RMST: variants seen among roughly 807,000 people sequenced by gnomAD.
RMST encodes the protein rhabdomyosarcoma 2 associated transcript.
intron 11 of RMST, among the ~76,000 whole-genome samples, chr12:97,553,775 C>T (rs778555451): frequency 1.3e-5 from 2 of 151,736 alleles, no homozygotes; most frequent in Non-Finnish European, 2.9e-5. Context: ...GTTTTCTGAC[C>T]AAGTCCAATC....
intron 10 of RMST, among the ~76,000 whole-genome samples, chr12:97,504,348 G>A (rs949134677): frequency 4.0e-5 from 6 of 148,904 alleles, no homozygotes; most frequent in African/African-American, 1.2e-4. Flanking sequence ...AGGTTGCAGA[G>A]TGGAGAGATT....
chr12:97,529,889 A>G (rs1881478426), intron 10 of RMST, among the ~76,000 whole-genome samples: 2 of 152,130 alleles, frequency 1.3e-5, no homozygotes, highest in Non-Finnish European at 2.9e-5. Flanking sequence ...ATGTAATTGT[A>G]TCTTCCCCCA....
chr12:97,525,930 C>G (rs1473824203), intron 10 of RMST, among the ~76,000 whole-genome samples: 5 of 151,970 alleles, frequency 3.3e-5, no homozygotes, highest in Non-Finnish European at 7.4e-5. Context: ...CATAGCAGTG[C>G]GAACCCTGTT....
chr12:97,469,311 T>C (rs891358860), intron 5 of RMST, among the ~76,000 whole-genome samples: 1 of 151,848 alleles, frequency 6.6e-6, no homozygotes, highest in Non-Finnish European at 1.5e-5. Flanking sequence ...AGTTATCTTA[T>C]TGATATGTAT....
intron 5 of RMST, among the ~76,000 whole-genome samples, chr12:97,470,809 G>A (rs1291152160): frequency 6.6e-6 from 1 of 151,838 alleles, no homozygotes; most frequent in East Asian, 1.9e-4. Context: ...ATATATTTCA[G>A]TATCATAAAA....
chr12:97,480,305 T>C (rs1273155447), intron 5 of RMST, among the ~76,000 whole-genome samples: 2 of 152,070 alleles, frequency 1.3e-5, no homozygotes, highest in African/African-American at 4.8e-5. Flanking sequence ...TTAGCTAGGA[T>C]GGTCTCAATC....
intron 10 of RMST, among the ~76,000 whole-genome samples, chr12:97,518,439 T>C (rs1880160257): frequency 6.6e-6 from 1 of 152,220 alleles, no homozygotes; most frequent in African/African-American, 2.4e-5. Context: ...TTTAGTTCAC[T>C]TCTCCCAAAA....
intron 11 of RMST, among the ~76,000 whole-genome samples, chr12:97,555,559 C>T (rs79586277): frequency 0.056 from 8,456 of 152,232 alleles, 363 homozygotes; most frequent in East Asian, 0.19. Context: ...GTCAGCCCTC[C>T]GTGAAGTTGG....
intron 5 of RMST, among the ~76,000 whole-genome samples, chr12:97,477,253 A>G (rs1422389887): frequency 6.6e-6 from 1 of 152,190 alleles, no homozygotes; most frequent in Non-Finnish European, 1.5e-5. Flanking sequence ...CTAAGGAGGA[A>G]GTAGATGTGG....
intron 11 of RMST, among the ~76,000 whole-genome samples, chr12:97,553,486 T>C (rs185726954): frequency 1.3e-5 from 2 of 152,230 alleles, no homozygotes; most frequent in Admixed American, 6.5e-5. Flanking sequence ...CTAAGTTCCA[T>C]GAGGGCAGGA....
intron 11 of RMST, among the ~76,000 whole-genome samples, chr12:97,555,615 A>G (rs1484858575): frequency 6.6e-6 from 1 of 152,226 alleles, no homozygotes; most frequent in Non-Finnish European, 1.5e-5. Context: ...GTTCACAGTC[A>G]CAAGTGAGAG....
intron 5 of RMST, among the ~76,000 whole-genome samples, chr12:97,470,095 C>T (rs1468070063): frequency 2.0e-5 from 3 of 152,136 alleles, no homozygotes; most frequent in African/African-American, 7.2e-5. Flanking sequence ...TCAAAGCCCT[C>T]AAACCTTCAA....
At chr12:97,545,942 C>T (rs1882892110) in intron 11 of RMST, among the ~76,000 whole-genome samples, 1 of 152,084 alleles carries the variant, frequency 6.6e-6, no homozygotes. Context: ...ATGTAAACAA[C>T]AGTTCATCAA....
intron 11 of RMST, among the ~76,000 whole-genome samples, chr12:97,555,361 G>A (rs1457791297): frequency 6.6e-6 from 1 of 152,122 alleles, no homozygotes; most frequent in Non-Finnish European, 1.5e-5. Flanking sequence ...AATGCCGACA[G>A]TAAATTAACA....
intron 13 of RMST, among the ~76,000 whole-genome samples, chr12:97,562,082 C>A (rs1403816862): frequency 1.3e-5 from 2 of 152,030 alleles, no homozygotes; most frequent in East Asian, 3.9e-4. Context: ...CTCTAGTTTC[C>A]CACATAACAG....
rs150200406 is a variant in RMST at position 97,539,521 on chromosome 12, CACAG to C, written n.1545+8666_1545+8669del. On this transcript the variant is annotated intron_variant and non_coding_transcript_variant, in intron 11 of 13. Coordinates refer to ENST00000640149, the Ensembl canonical transcript of RMST. ...AATAAACCCAAGTCTGCTTTTACAG[CACAG>C]ACAAAGGAAGAAAATTCCTTCCTAA... Among the ~76,000 whole-genome samples, 743 of 151,702 alleles carry C rather than the reference CACAG, an allele frequency of 4.9e-3. 6 individuals carry two copies. Among genetic ancestry groups the C allele is most frequent in the African/African-American group, 0.017 (686 of 41,492 alleles).
Position 97,545,344 on chromosome 12 carries a change from A to T in RMST, n.1545+14485A>T, listed in dbSNP as rs549215399. On this transcript the variant is annotated intron_variant and non_coding_transcript_variant, in intron 11 of 13. Transcript: ENST00000640149. ...GCAGTGGTTGACATTGCGAGTATAG[A>T]GGGAACATCATGGAGCTGGTGAGGG... Among the ~76,000 whole-genome samples, 7 of 152,174 alleles carry T rather than the reference A, an allele frequency of 4.6e-5. No individual in the cohort carries two copies. The East Asian group carries it at 1.4e-3, about 29-fold the overall frequency.
intron 11 of RMST, among the ~76,000 whole-genome samples, chr12:97,538,352 G>C (rs1200349647): frequency 6.6e-6 from 1 of 151,246 alleles, no homozygotes; most frequent in Non-Finnish European, 1.5e-5. Flanking sequence ...CATTACCTTT[G>C]TCCTAATGCA....
intron 9 of RMST, chr12:97,494,882 G>C (rs948665600): frequency 2.0e-5 from 3 of 152,022 alleles, no homozygotes; most frequent in African/African-American, 7.2e-5. Flanking sequence ...ATCTGATAAG[G>C]TAAGATTTTA....
Sources: allele counts gnomAD v4.1 joint callset (sites outside exome capture counted in the v4.1 genomes callset), GRCh38; gene constraint gnomAD v4.1.1; transcripts MANE v1.5; gene names NCBI Gene and HGNC (gene_info 2026-07-23, HGNC 2026-07-21).